Variants in BCCIP observed in about 807,000 individuals in gnomAD.
The protein encoded by BCCIP is BRCA2 and CDKN1A interacting protein.
BCCIP carries 23 observed loss-of-function variants against 32.8 expected under a neutral mutation model. The observed-to-expected ratio is 0.70, with a 90% confidence interval of 0.51 to 0.99. The LOEUF (loss-of-function observed/expected upper bound fraction) is 0.99, where lower values mean the gene tolerates loss of function less well. Among genes scored for constraint, BCCIP ranks in the 50% least tolerant of loss-of-function variants. BCCIP has a pLI of 0.00. For missense variants in BCCIP, 378 were observed against 379.8 expected (o/e 1.00, Z 0.04); for synonymous variants, 144 against 137.6 (o/e 1.05, Z -0.33).
intron 2 of BCCIP, among the ~76,000 whole-genome samples, chr10:125,827,318 CT>C (rs955680858): frequency 6.6e-6 from 1 of 152,044 alleles, no homozygotes; most frequent in Non-Finnish European, 1.5e-5. Flanking sequence ...TCTCTCGTTT[CT>C]CCCTTTTTTC....
In BCCIP at chr10:125,823,562, C is replaced by T. The variant is rs1854228630; in HGVS notation, c.5C>T (p.Ala2Val). ...AGGCGCAGTGTGAGCGGCAACATGG[C>T]GTCCAGGTCTAAGCGGCGTGCCGTG... M[A>V]SRSKRRAVES... Residue 2 changes from alanine (A) to valine (V), a missense_variant, in exon 1 of 7, where the codon GCG becomes GTG. Transcript: ENST00000278100. 1.9e-6 allele frequency: 3 copies of T among 1,613,512 alleles called. No homozygotes were observed. Among genetic ancestry groups the T allele is most frequent in the Non-Finnish European group, 2.5e-6 (3 of 1,179,806 alleles).
downstream of BCCIP, chr10:125,836,962 C>G (rs1854710171): frequency 9.6e-6 from 9 of 935,174 alleles, no homozygotes; most frequent in Non-Finnish European, 1.4e-5. Flanking sequence ...ACCTGTAGAA[C>G]CGGTATTTAA....
intron 3 of BCCIP, 57 bp downstream of exon 3, chr10:125,827,695 TG>T: frequency 7.5e-7 from 1 of 1,330,392 alleles, no homozygotes; most frequent in Non-Finnish European, 1.1e-6. Context: ...CTGTTCATGC[TG>T]GGCCTCACCA....
At chr10:125,846,022 A>G (rs377592802), downstream of BCCIP, among the ~76,000 whole-genome samples, 1 of 152,186 alleles carries the variant, frequency 6.6e-6, no homozygotes, top group East Asian at 1.9e-4. Flanking sequence ...CTAAGTGGGG[A>G]AGGAAGCTGA....
chr10:125,848,512 T>G (rs1316453942), intron 7 of BCCIP, among the ~76,000 whole-genome samples: 1 of 152,188 alleles, frequency 6.6e-6, no homozygotes, highest in Non-Finnish European at 1.5e-5. Context: ...GTTTTGAACT[T>G]GGGCCTTCCA....
intron 3 of BCCIP, among the ~76,000 whole-genome samples, chr10:125,829,016 T>C (rs185315005): frequency 1.3e-4 from 20 of 152,306 alleles, no homozygotes; most frequent in Admixed American, 7.2e-4. Context: ...AGAAGTGATA[T>C]AGTGCCATTT....
chr10:125,826,757 TG>T, intron 2 of BCCIP, 92 bp downstream of exon 2: 2 of 1,527,900 alleles, frequency 1.3e-6, no homozygotes, highest in Non-Finnish European at 1.8e-6. Flanking sequence ...CTCAGCATTT[TG>T]GAAGGCCGAG....
chr10:125,827,954 A>G (rs1233294414), intron 3 of BCCIP, among the ~76,000 whole-genome samples: 1 of 147,298 alleles, frequency 6.8e-6, no homozygotes, highest in African/African-American at 2.6e-5. Flanking sequence ...CAACACAGCA[A>G]GACCCTATAT....
At chr10:125,838,313 CAG>C (rs756734047), downstream of BCCIP, 43 of 1,613,714 alleles carry the variant, frequency 2.7e-5, no homozygotes, top group South Asian at 3.3e-5. Flanking sequence ...AGTAACCAGA[CAG>C]GGGATGCAGC....
chr10:125,833,140 A>G (rs1589696278), intron 5 of BCCIP, among the ~76,000 whole-genome samples: 1 of 152,126 alleles, frequency 6.6e-6, no homozygotes, highest in East Asian at 1.9e-4. Flanking sequence ...AAAAAAAGAA[A>G]AAAAAAAAAA....
chr10:125,843,389 TC>T (rs1854933786), downstream of BCCIP, among the ~76,000 whole-genome samples: 1 of 152,014 alleles, frequency 6.6e-6, no homozygotes, highest in Non-Finnish European at 1.5e-5. Flanking sequence ...GGCGGGAGGA[TC>T]ACCAGGTCAG....
At chr10:125,853,459 AG>A (rs2134046338) in exon 8 of BCCIP, 1 of 277,778 alleles carries the variant, frequency 3.6e-6, no homozygotes, top group South Asian at 1.4e-4. Context: ...TGTAATGATT[AG>A]GATGAAAATT....
At chr10:125,824,313 C>T (rs979483724) in intron 1 of BCCIP, among the ~76,000 whole-genome samples, 44 of 152,194 alleles carry the variant, frequency 2.9e-4, no homozygotes, top group African/African-American at 1.1e-3. Context: ...CAGACTAGGT[C>T]CTACCGTAGT....
downstream of BCCIP, among the ~76,000 whole-genome samples, chr10:125,844,258 G>A (rs1449401462): frequency 6.6e-6 from 1 of 152,210 alleles, no homozygotes; most frequent in African/African-American, 2.4e-5. Flanking sequence ...GGAAGGGGCT[G>A]GAGTACAAAC....
At chr10:125,841,897 A>ATT in exon 7 of BCCIP, 1 of 1,606,622 alleles carries the variant, frequency 6.2e-7, no homozygotes, top group Non-Finnish European at 8.5e-7. Context: ...CTGCCAGATA[A>ATT]TCTAAGTCTT....
At chr10:125,827,944 C>T (rs970008270) in intron 3 of BCCIP, among the ~76,000 whole-genome samples, 2 of 116,058 alleles carry the variant, frequency 1.7e-5, no homozygotes, top group Non-Finnish European at 3.3e-5. Context: ...TCTAGCCGGG[C>T]AACACAGCAA....
chr10:125,836,286 T>A lies in BCCIP; in HGVS notation c.*12T>A. On this transcript the variant is annotated 3_prime_UTR_variant, in exon 7 of 7. Transcript: ENST00000278100. Reference sequence around the variant, plus strand: ...ATCTATCTGTCTAACCCATTTCCAATGGACAGTGATGGGCTTGTTTTTGTA... The same window carrying A: ...ATCTATCTGTCTAACCCATTTCCAAAGGACAGTGATGGGCTTGTTTTTGTA... 6.2e-7 allele frequency: 1 copy of A among 1,613,996 alleles called. No homozygotes were observed. Among genetic ancestry groups the A allele is most frequent in the Non-Finnish European group, 8.5e-7 (1 of 1,179,984 alleles).
At chr10:125,845,017 C>G (rs564296286), downstream of BCCIP, among the ~76,000 whole-genome samples, 16 of 152,184 alleles carry the variant, frequency 1.1e-4, no homozygotes, top group Non-Finnish European at 2.1e-4. Flanking sequence ...TATGTGCCTG[C>G]ATTTTCCTTC....
chr10:125,838,315 G>C, downstream of BCCIP: 1 of 1,613,840 alleles, frequency 6.2e-7, no homozygotes, highest in Non-Finnish European at 8.5e-7. Context: ...TAACCAGACA[G>C]GGGATGCAGC....
Sources: allele counts gnomAD v4.1 joint callset (sites outside exome capture counted in the v4.1 genomes callset), GRCh38; gene constraint gnomAD v4.1.1; transcripts MANE v1.5; gene names NCBI Gene and HGNC (gene_info 2026-07-23, HGNC 2026-07-21).